RELN: variants seen among roughly 807,000 people sequenced by gnomAD.
RELN encodes reelin.
RELN carries 108 observed loss-of-function variants against 427.6 expected under a neutral mutation model. That is an observed-to-expected ratio of 0.25 (90% CI 0.22 to 0.30). The LOEUF is 0.30. Among genes scored for constraint, RELN ranks in the 10% least tolerant of loss-of-function variants. The pLI, the probability that RELN is intolerant of heterozygous loss-of-function variation, is 1.00. For synonymous variants in RELN, 1,524 were observed against 1,513.4 expected, an observed-to-expected ratio of 1.01 and a Z score of -0.16; for missense variants, 3,715 against 4,302.8, an observed-to-expected ratio of 0.86 and a Z score of 3.82.
chr7:103,774,212 G>C (rs962373265), intron 4 of RELN, among the ~76,000 whole-genome samples: 1 of 150,974 alleles, frequency 6.6e-6, no homozygotes, highest in South Asian at 2.1e-4. Flanking sequence ...CAGGAGAATC[G>C]CTTGAACCCA....
intron 9 of RELN, among the ~76,000 whole-genome samples, chr7:103,698,540 G>T (rs867177029): frequency 6.6e-6 from 1 of 152,182 alleles, no homozygotes; most frequent in Non-Finnish European, 1.5e-5. Flanking sequence ...TTGAGACAGG[G>T]TCTTGCTCTG....
In RELN at chr7:103,489,832, C is replaced by T. The variant is rs755369509; in HGVS notation, c.9673G>A (p.Val3225Met). The T allele has an allele frequency of 1.1e-5, 17 of 1,614,214 alleles. No homozygotes were observed. The highest frequency in any genetic ancestry group is 2.2e-5 in the South Asian group (2 of 91,090). Residue 3225 changes from valine (V) to methionine (M), a missense_variant, in exon 60 of 65, where the codon GTG (valine) becomes ATG (methionine). Coordinates refer to ENST00000428762, the MANE Select transcript of RELN (RefSeq NM_005045.4). ...TTGGGGCAAGCCTCTCCAATGTACA[C>T]GTGGTCAATTGCCCAGCTTTGCTTC... ...TEKQSWAIDH[V>M]YIGEACPKLC...
At chr7:103,513,086 A>G (rs1200897812) in intron 50 of RELN, 1 of 152,194 alleles carries the variant, frequency 6.6e-6, no homozygotes, top group African/African-American at 2.4e-5. Flanking sequence ...CTCAAGAGTC[A>G]AAGTGCACAG....
intron 46 of RELN, among the ~76,000 whole-genome samples, chr7:103,529,789 C>T (rs899610222): frequency 5.3e-5 from 8 of 152,058 alleles, no homozygotes; most frequent in African/African-American, 1.7e-4. Flanking sequence ...TTACTGAAAC[C>T]GTTCGTTCGA....
intron 3 of RELN, among the ~76,000 whole-genome samples, chr7:103,808,453 C>CA (rs1792655120): frequency 6.6e-6 from 1 of 151,950 alleles, no homozygotes; most frequent in Non-Finnish European, 1.5e-5. Flanking sequence ...AACCTTTCTT[C>CA]AACTCCTGCT....
chr7:103,603,361 T>A lies in RELN; in HGVS notation c.3276A>T (p.Val1092=). 1 of 1,613,916 alleles carries A rather than the reference T, an allele frequency of 6.2e-7. No individual in the cohort carries two copies. The highest frequency in any genetic ancestry group is 8.5e-7 in the Non-Finnish European group (1 of 1,179,864). Residue 1092 remains valine (V), a synonymous_variant, in exon 24 of 65, where the codon GTA becomes GTT. Transcript: ENST00000428762. This position sits in a 1 kb window ranked among gnomAD's most constrained non-coding sequence, Gnocchi z 4.3. ...TGACACCACACCCTTGTTCTGGTTT[T>A]ACAATTTCTCCCCCAATAACTTCTT... ...DWQEVIGGEI[V]KPEQGCGVIS...
chr7:103,882,233 C>T (rs959448808), intron 2 of RELN, among the ~76,000 whole-genome samples: 2 of 152,190 alleles, frequency 1.3e-5, no homozygotes, highest in Non-Finnish European at 1.5e-5. Context: ...ATCATAACTA[C>T]AGTCTCACTT....
intron 20 of RELN, among the ~76,000 whole-genome samples, chr7:103,628,811 C>T (rs1832385956): frequency 6.6e-6 from 1 of 152,104 alleles, no homozygotes; most frequent in Non-Finnish European, 1.5e-5. Flanking sequence ...CTAAAGGAAC[C>T]TAGAGAGGGG....
At chr7:103,720,840 TA>T (rs545789792) in intron 8 of RELN, among the ~76,000 whole-genome samples, 130 of 152,256 alleles carry the variant, frequency 8.5e-4, no homozygotes, top group African/African-American at 2.7e-3. Context: ...TTATACCTCG[TA>T]AACATCCATA....
intron 63 of RELN, among the ~76,000 whole-genome samples, chr7:103,479,273 A>G (rs1828145317): frequency 6.6e-6 from 1 of 152,228 alleles, no homozygotes; most frequent in African/African-American, 2.4e-5. Flanking sequence ...CCTCACCAGC[A>G]TGGATCTTGT....
intron 2 of RELN, among the ~76,000 whole-genome samples, chr7:103,892,152 CCTT>C: frequency 6.6e-6 from 1 of 152,314 alleles, no homozygotes; most frequent in East Asian, 1.9e-4. Flanking sequence ...AGAAGTCACA[CCTT>C]CTTTTCTCTG....
At chr7:103,526,612 G>C (rs1829827458) in intron 46 of RELN, among the ~76,000 whole-genome samples, 1 of 152,108 alleles carries the variant, frequency 6.6e-6, no homozygotes, top group Non-Finnish European at 1.5e-5. Flanking sequence ...ACTAAGAACT[G>C]GAATATAAGT....
intron 62 of RELN, 106 bp downstream of exon 62, chr7:103,483,547 C>T (rs535182027): frequency 1.8e-6 from 2 of 1,125,972 alleles, no homozygotes; most frequent in African/African-American, 1.5e-5. Context: ...AGTTTTGTGG[C>T]ATTGGTGCAT....
Position 103,539,172 on chromosome 7 carries a change from G to T in RELN, c.7086C>A (p.Thr2362=). 1 of 1,614,212 alleles carries T rather than the reference G, an allele frequency of 6.2e-7. No homozygotes were observed. The highest frequency in any genetic ancestry group is 8.5e-7 in the Non-Finnish European group (1 of 1,180,046). ...DALVFIEKAS[T]RYVVSTDVAV... ...CAACGTCTGTGCTGACCACGTAACGGGTGCTGGCCTTTTCAATGAAGACCA... is the reference window on the plus strand; with the variant it reads ...CAACGTCTGTGCTGACCACGTAACGTGTGCTGGCCTTTTCAATGAAGACCA... The change falls in exon 45 of 65, where the codon ACC becomes ACA. Residue 2362 remains threonine (T), a synonymous_variant. Transcript: ENST00000428762.
intron 1 of RELN, among the ~76,000 whole-genome samples, chr7:103,974,568 GC>G (rs1796832324): frequency 6.6e-6 from 1 of 152,194 alleles, no homozygotes; most frequent in African/African-American, 2.4e-5. Flanking sequence ...TAAGTTTGGA[GC>G]CTCCGATCCT....
chr7:103,748,370 T>C (rs1790901625), intron 6 of RELN, among the ~76,000 whole-genome samples: 1 of 152,126 alleles, frequency 6.6e-6, no homozygotes, highest in African/African-American at 2.4e-5. Flanking sequence ...TGTGTAATAT[T>C]GAAGCCTCAA....
rs144102097 is a variant in RELN, at chr7:103,580,288, G to T, written c.4146-4583C>A. 4.7e-3 allele frequency among the ~76,000 whole-genome samples: 720 copies of T among 152,300 alleles called. 9 individuals are homozygous for T. Among genetic ancestry groups the T allele is most frequent in the African/African-American group, 0.016 (664 of 41,566 alleles). ...AGCAACAACAGCTCATTTACTTGGGGTAAAGTAGAAACATATTTACTGTTC... is the reference window on the plus strand; with the variant it reads ...AGCAACAACAGCTCATTTACTTGGGTTAAAGTAGAAACATATTTACTGTTC... On this transcript the variant is annotated intron_variant, in intron 28 of 64. Transcript: ENST00000428762.
At chr7:103,840,841 C>T (rs1793534844) in intron 2 of RELN, among the ~76,000 whole-genome samples, 2 of 152,028 alleles carry the variant, frequency 1.3e-5, no homozygotes, top group East Asian at 3.9e-4. Context: ...TAATAGGATC[C>T]ATATTGAATT....
intron 2 of RELN, among the ~76,000 whole-genome samples, chr7:103,882,560 A>C (rs1036162567): frequency 1.3e-5 from 2 of 152,136 alleles, no homozygotes; most frequent in African/African-American, 4.8e-5. Flanking sequence ...AACCAGAATA[A>C]TAAAGAGAAA....
Sources: gnomAD v4.1 joint callset for allele counts (sites outside exome capture counted in the v4.1 genomes callset) on GRCh38, gnomAD v4.1.1 for gene constraint, Gnocchi (gnomAD v3.1) non-coding constraint, MANE v1.5 for transcripts, NCBI Gene and HGNC (gene_info 2026-07-23, HGNC 2026-07-21) for gene names.